DUSP22: variants seen among roughly 807,000 people sequenced by gnomAD.
The protein encoded by DUSP22 is dual specificity phosphatase 22.
A neutral mutation model predicts 24.5 loss-of-function variants in DUSP22; 24 were observed. That is an observed-to-expected ratio of 0.98 (90% CI 0.71 to 1.38). The LOEUF (loss-of-function observed/expected upper bound fraction) is 1.38, where lower values mean the gene tolerates loss of function less well. DUSP22 is among the 40% of genes most tolerant of loss of function. The pLI is 0.00. For missense variants in DUSP22, 330 were observed against 269.2 expected, an observed-to-expected ratio of 1.23 and a Z score of -1.58; for synonymous variants, 160 against 106.4, an observed-to-expected ratio of 1.50 and a Z score of -3.10.
intron 4 of DUSP22, among the ~76,000 whole-genome samples, chr6:336,374 G>A (rs945963589): frequency 6.6e-6 from 1 of 152,422 alleles, no homozygotes; most frequent in Non-Finnish European, 1.5e-5. Context: ...CCCAAGCACT[G>A]GTGCACGCAC....
At chr6:340,135 T>C (rs1759539868) in intron 4 of DUSP22, among the ~76,000 whole-genome samples, 1 of 152,310 alleles carries the variant, frequency 6.6e-6, no homozygotes, top group African/African-American at 2.4e-5. Flanking sequence ...TTTGTTTTAG[T>C]TTGCTTTTAA....
intron 3 of DUSP22, among the ~76,000 whole-genome samples, chr6:318,452 C>T (rs1339400534): frequency 6.6e-6 from 1 of 152,312 alleles, no homozygotes; most frequent in Non-Finnish European, 1.5e-5. Flanking sequence ...CCTCCTCCAG[C>T]AGCCATTGAG....
chr6:336,518 G>A (rs1424977211), intron 4 of DUSP22, among the ~76,000 whole-genome samples: 1 of 152,294 alleles, frequency 6.6e-6, no homozygotes, highest in Admixed American at 6.5e-5. Flanking sequence ...AGAAATCACA[G>A]GTTATGCGAT....
At chr6:296,674 A>G (rs943595391) in intron 1 of DUSP22, among the ~76,000 whole-genome samples, 4 of 152,302 alleles carry the variant, frequency 2.6e-5, no homozygotes, top group African/African-American at 4.8e-5. Flanking sequence ...CAGTACTACA[A>G]TACCCCATTA....
intron 6 of DUSP22, 73 bp downstream of exon 6, chr6:348,347 C>T: frequency 6.3e-6 from 10 of 1,590,606 alleles, no homozygotes; most frequent in South Asian, 3.4e-5. Flanking sequence ...TTTCCGTACA[C>T]AGCCAGCATC....
intron 1 of DUSP22, among the ~76,000 whole-genome samples, chr6:295,170 G>C (rs920963774): frequency 6.6e-6 from 1 of 152,292 alleles, no homozygotes; most frequent in Admixed American, 6.5e-5. Context: ...TATGTGCAAT[G>C]TCTTTGGAAC....
At chr6:302,206 C>T (rs1319071699) in intron 1 of DUSP22, among the ~76,000 whole-genome samples, 1 of 151,920 alleles carries the variant, frequency 6.6e-6, no homozygotes, top group East Asian at 1.9e-4. Context: ...TCCTGTTTTT[C>T]ATACCATTTT....
At chr6:342,029 A>G (rs1759632193) in intron 4 of DUSP22, among the ~76,000 whole-genome samples, 1 of 152,308 alleles carries the variant, frequency 6.6e-6, no homozygotes, top group Non-Finnish European at 1.5e-5. Flanking sequence ...AGTGAGATAT[A>G]AGAAGTGGTC....
At chr6:295,247 A>C (rs898808751) in intron 1 of DUSP22, among the ~76,000 whole-genome samples, 2 of 152,278 alleles carry the variant, frequency 1.3e-5, no homozygotes, top group African/African-American at 4.8e-5. Context: ...TCTCGTACAC[A>C]TTGGTCATTT....
intron 2 of DUSP22, among the ~76,000 whole-genome samples, chr6:306,147 A>G (rs530610633): frequency 3.3e-5 from 5 of 152,420 alleles, no homozygotes; most frequent in Non-Finnish European, 7.3e-5. Flanking sequence ...ACATTAATGT[A>G]GCAAACGTCA....
rs1760100485 is a variant in DUSP22, at chr6:349,785, C to G, written c.*834C>G. On this transcript the variant is annotated 3_prime_UTR_variant, in exon 7 of 7. Coordinates refer to ENST00000419235, the MANE Select transcript of DUSP22 (RefSeq NM_001286555.3). Reference sequence around the variant, plus strand: ...AAGGCCACTTTTCAGCCCATCGAGCCCTGAGTTCTACTTGGTGTTTGTTCT... The same window carrying G: ...AAGGCCACTTTTCAGCCCATCGAGCGCTGAGTTCTACTTGGTGTTTGTTCT... 1 of 985,866 alleles carries G rather than the reference C, an allele frequency of 1.0e-6. No homozygotes were observed. Among genetic ancestry groups the G allele is most frequent in the Admixed American group, 6.1e-5 (1 of 16,280 alleles). 61.1% of individuals were successfully genotyped at this position (985,866 alleles called of 1,614,324 possible).
At chr6:319,056 G>C (rs1438837903) in intron 3 of DUSP22, among the ~76,000 whole-genome samples, 4 of 152,194 alleles carry the variant, frequency 2.6e-5, no homozygotes, top group Admixed American at 2.0e-4. Context: ...GACCAGGCCA[G>C]ACTCCTCAAA....
Position 349,836 on chromosome 6 carries a change from G to A in DUSP22, c.*885G>A. 1.0e-6 allele frequency: 1 copy of A among 985,996 alleles called. No individual in the cohort carries two copies. The highest frequency in any genetic ancestry group is 1.1e-4 in the East Asian group (1 of 8,830). The allele number at this position is 985,996 out of a possible 1,614,324, so 61.1% of individuals were successfully genotyped here. On this transcript the variant is annotated 3_prime_UTR_variant, in exon 7 of 7. Coordinates refer to ENST00000419235, the MANE Select transcript of DUSP22 (RefSeq NM_001286555.3). ...CTGGAGCTGATTGCACTTGAGCTCTGTGGTGGGCAGGCGCACTTTAGCCTA... is the reference window on the plus strand; with the variant it reads ...CTGGAGCTGATTGCACTTGAGCTCTATGGTGGGCAGGCGCACTTTAGCCTA...
chr6:321,499 G>A (rs1324434146), intron 3 of DUSP22, among the ~76,000 whole-genome samples: 6 of 152,306 alleles, frequency 3.9e-5, no homozygotes, highest in Admixed American at 2.0e-4. Context: ...AGTGATGAGG[G>A]TCTGAACTGG....
chr6:341,913 G>A (rs1581189311), intron 4 of DUSP22, among the ~76,000 whole-genome samples: 1 of 152,304 alleles, frequency 6.6e-6, no homozygotes, highest in East Asian at 1.9e-4. Context: ...CTCCCCTCTT[G>A]TATTTTGAGA....
intron 5 of DUSP22, among the ~76,000 whole-genome samples, 159 bp downstream of exon 5, chr6:346,087 T>C (rs1163631582): frequency 6.6e-6 from 1 of 152,300 alleles, no homozygotes; most frequent in African/African-American, 2.4e-5. Context: ...CGCTGTGTGT[T>C]AGTCGCCCTT....
chr6:292,692 CG>C (rs199630627), intron 1 of DUSP22, 132 bp downstream of exon 1: 7 of 1,317,166 alleles, frequency 5.3e-6, no homozygotes, highest in Non-Finnish European at 3.9e-6. Context: ...GAGGGAGGGG[CG>C]GCGCGCCTGG....
chr6:335,637 A>G (rs537003618), intron 4 of DUSP22, among the ~76,000 whole-genome samples: 1 of 152,420 alleles, frequency 6.6e-6, no homozygotes. Context: ...AATCCAGTGT[A>G]TCTAAAATAT....
intron 1 of DUSP22, among the ~76,000 whole-genome samples, chr6:296,868 G>A (rs758781595): frequency 6.6e-6 from 1 of 152,304 alleles, no homozygotes; most frequent in African/African-American, 2.4e-5. Flanking sequence ...GCCAGGGTTC[G>A]TTTAGCTCAT....
Sources: allele counts gnomAD v4.1 joint callset (sites outside exome capture counted in the v4.1 genomes callset), GRCh38; gene constraint gnomAD v4.1.1; transcripts MANE v1.5; gene names NCBI Gene and HGNC (gene_info 2026-07-23, HGNC 2026-07-21).